The following SEMA5A variants were observed in gnomAD, a reference collection of about 807,000 sequenced individuals.
SEMA5A encodes the protein semaphorin-5A.
In SEMA5A, 55 loss-of-function variants were observed where a neutral mutation model predicts 135.5. The ratio of observed to expected loss-of-function variants is 0.41; its 90% CI spans 0.33 to 0.51. SEMA5A has a LOEUF of 0.51. SEMA5A is among the 20% of genes least tolerant of loss of function. The pLI, the probability that SEMA5A is intolerant of heterozygous loss-of-function variation, is 0.37. For missense variants in SEMA5A, 1,290 were observed against 1,419.9 expected (o/e 0.91, Z 1.47); for synonymous variants, 580 against 546.5 (o/e 1.06, Z -0.85).
At chr5:9,148,712 ATTTTG>A (rs1252453392) in intron 12 of SEMA5A, among the ~76,000 whole-genome samples, 1 of 151,768 alleles carries the variant, frequency 6.6e-6, no homozygotes, top group African/African-American at 2.4e-5. Flanking sequence ...TCACCTGGCC[ATTTTG>A]TTTTGTTTTG....
At chr5:9,235,008 C>T (rs111491713) in intron 6 of SEMA5A, among the ~76,000 whole-genome samples, 85 of 152,248 alleles carry the variant, frequency 5.6e-4, no homozygotes, top group Admixed American at 1.7e-3. Context: ...TAAGGCAAAA[C>T]GTGGGCTAGT....
intron 1 of SEMA5A, among the ~76,000 whole-genome samples, chr5:9,442,010 G>A (rs1758255740): frequency 1.3e-5 from 2 of 152,202 alleles, no homozygotes; most frequent in South Asian, 4.1e-4. Flanking sequence ...GACAAGAAGG[G>A]GAGAAGCTGG....
intron 1 of SEMA5A, among the ~76,000 whole-genome samples, chr5:9,477,275 T>C (rs186810681): frequency 2.0e-5 from 3 of 152,318 alleles, no homozygotes; most frequent in Admixed American, 1.3e-4. Flanking sequence ...TAGTTCTTTA[T>C]AGCAGTGAAA....
intron 6 of SEMA5A, among the ~76,000 whole-genome samples, chr5:9,237,486 G>A (rs182790581): frequency 2.6e-5 from 4 of 152,252 alleles, no homozygotes; most frequent in Non-Finnish European, 5.9e-5. Context: ...AGATTTAGCT[G>A]TAAAGTAAGA....
intron 5 of SEMA5A, among the ~76,000 whole-genome samples, chr5:9,291,423 A>G (rs1182621241): frequency 6.6e-6 from 1 of 152,332 alleles, no homozygotes; most frequent in East Asian, 1.9e-4. Flanking sequence ...TGCCAGTTCC[A>G]GGCATGGCCT....
intron 2 of SEMA5A, among the ~76,000 whole-genome samples, chr5:9,395,052 A>C (rs1224247765): frequency 6.6e-6 from 1 of 152,218 alleles, no homozygotes; most frequent in African/African-American, 2.4e-5. Context: ...TTCTATATTA[A>C]ATTTTCAACA....
chr5:9,400,980 G>A (rs1756635337), intron 2 of SEMA5A, among the ~76,000 whole-genome samples: 1 of 152,082 alleles, frequency 6.6e-6, no homozygotes, highest in African/African-American at 2.4e-5. Context: ...GGAGACCAGT[G>A]TCTGACCTCA....
At chr5:9,227,444 C>CT (rs1314033897) in intron 6 of SEMA5A, among the ~76,000 whole-genome samples, 1 of 152,034 alleles carries the variant, frequency 6.6e-6, no homozygotes, top group Non-Finnish European at 1.5e-5. Context: ...GCTGCAAGCG[C>CT]TTTTTGATCA....
chr5:9,513,068 AAT>A (rs56269546), intron 1 of SEMA5A, among the ~76,000 whole-genome samples: 1,610 of 143,704 alleles, frequency 0.011, 22 homozygotes, highest in African/African-American at 0.035. Context: ...ATATATATAT[AAT>A]ATATATATAT....
At chr5:9,141,098 TATTTA>T (rs1742044163) in intron 12 of SEMA5A, among the ~76,000 whole-genome samples, 1 of 152,206 alleles carries the variant, frequency 6.6e-6, no homozygotes, top group African/African-American at 2.4e-5. Flanking sequence ...ATATCATGTA[TATTTA>T]AATATAATTT....
intron 16 of SEMA5A, among the ~76,000 whole-genome samples, chr5:9,098,455 AT>A (rs1179299832): frequency 1.3e-5 from 2 of 152,178 alleles, no homozygotes; most frequent in African/African-American, 4.8e-5. Flanking sequence ...TGGATAATCA[AT>A]TGATTAGCTC....
intron 1 of SEMA5A, among the ~76,000 whole-genome samples, chr5:9,537,002 T>C (rs1737804644): frequency 6.6e-6 from 1 of 152,106 alleles, no homozygotes; most frequent in Non-Finnish European, 1.5e-5. Flanking sequence ...AAGGTTAAAA[T>C]CCCATACATC....
chr5:9,108,969 G>A (rs1740077494), intron 15 of SEMA5A, among the ~76,000 whole-genome samples: 1 of 147,890 alleles, frequency 6.8e-6, no homozygotes, highest in Non-Finnish European at 1.5e-5. Context: ...TTTTCCAAAT[G>A]TCAGCCAAAT....
intron 2 of SEMA5A, among the ~76,000 whole-genome samples, chr5:9,417,163 A>G (rs563416769): frequency 6.6e-6 from 1 of 152,336 alleles, no homozygotes; most frequent in East Asian, 1.9e-4. Context: ...TCTCTCCTGT[A>G]TTATTTTAAG....
rs16882604 is a variant in SEMA5A, at chr5:9,386,561, G to C, written c.-77-6538C>G. 9.9e-3 allele frequency among the ~76,000 whole-genome samples: 1,503 copies of C among 152,102 alleles called. 21 individuals are homozygous for C. The highest frequency in any genetic ancestry group is 0.035 in the African/African-American group (1,433 of 41,492). On this transcript the variant is annotated intron_variant, in intron 2 of 22. Transcript: ENST00000382496. ...ATGTCATGAGCCCCTCATCTGTCTA[G>C]TCCTCCCACTGCTCCTGGTGCAGAC...
chr5:9,280,484 C>A (rs1258408488), intron 5 of SEMA5A, among the ~76,000 whole-genome samples: 2 of 152,206 alleles, frequency 1.3e-5, no homozygotes, highest in Non-Finnish European at 2.9e-5. Context: ...CTCAGCCTGA[C>A]CCCGTGTTAG....
chr5:9,520,302 G>A lies in SEMA5A; in HGVS notation c.-175+25282C>T, dbSNP rs372109653. On this transcript the variant is annotated intron_variant, in intron 1 of 22. Transcript: ENST00000382496. ...CTGCCTCGTGGGACCCACACTCCACGGGAGGAGGTAAACCACCAAATACAT... is the reference window on the plus strand; with the variant it reads ...CTGCCTCGTGGGACCCACACTCCACAGGAGGAGGTAAACCACCAAATACAT... Among the ~76,000 whole-genome samples the A allele has an allele frequency of 6.6e-5, 10 of 152,228 alleles. No homozygotes were observed. In the South Asian group the frequency reaches 1.0e-3, roughly 16 times the overall value.
intron 5 of SEMA5A, among the ~76,000 whole-genome samples, chr5:9,316,796 T>G (rs996672733): frequency 6.6e-6 from 1 of 152,186 alleles, no homozygotes; most frequent in Non-Finnish European, 1.5e-5. Context: ...ATTTATTTAT[T>G]TTGGTGTTGA....
intron 11 of SEMA5A, among the ~76,000 whole-genome samples, chr5:9,164,055 A>T (rs1743449257): frequency 5.6e-5 from 8 of 141,978 alleles, no homozygotes. Context: ...TATATTTATA[A>T]TATAAATATT....
Sources: gnomAD v4.1 joint callset for allele counts (sites outside exome capture counted in the v4.1 genomes callset) on GRCh38, gnomAD v4.1.1 for gene constraint, MANE v1.5 for transcripts, NCBI Gene and HGNC (gene_info 2026-07-23, HGNC 2026-07-21) for gene names.